MAPK10: variants seen among roughly 807,000 people sequenced by gnomAD.
MAPK10 encodes the protein JNK3 alpha protein kinase.
Under a neutral mutation model 59.3 loss-of-function variants are expected in MAPK10, and 25 were observed. That is an observed-to-expected ratio of 0.42 (90% CI 0.31 to 0.59). The LOEUF (loss-of-function observed/expected upper bound fraction) is 0.59, where lower values mean the gene tolerates loss of function less well. Among genes scored for constraint, MAPK10 ranks in the 20% least tolerant of loss-of-function variants. The probability of loss-of-function intolerance (pLI) is 0.15; values close to 1 mark genes in which losing one functional copy is unlikely to be tolerated. For missense variants in MAPK10, 351 were observed against 568.9 expected (o/e 0.62, Z 3.90); for synonymous variants, 190 against 200.5 (o/e 0.95, Z 0.44).
chr4:86,593,148 A>T (rs1212361595), intron 1 of MAPK10, among the ~76,000 whole-genome samples: 1 of 152,206 alleles, frequency 6.6e-6, no homozygotes, highest in Admixed American at 6.5e-5. Flanking sequence ...CATTACTATT[A>T]ATTCCCTCAT....
At chr4:86,331,445 T>C (rs2096151468) in intron 2 of MAPK10, among the ~76,000 whole-genome samples, 1 of 152,122 alleles carries the variant, frequency 6.6e-6, no homozygotes, top group South Asian at 2.1e-4. Context: ...AGTATGAGCA[T>C]AATTACAGAG....
intron 1 of MAPK10, among the ~76,000 whole-genome samples, chr4:86,446,602 T>C (rs1447895739): frequency 6.6e-6 from 1 of 152,212 alleles, no homozygotes; most frequent in East Asian, 1.9e-4. Context: ...AATTATTTAA[T>C]CACAGGTCTT....
intron 2 of MAPK10, among the ~76,000 whole-genome samples, chr4:86,281,150 T>G (rs1312726886): frequency 6.6e-6 from 1 of 152,180 alleles, no homozygotes; most frequent in Non-Finnish European, 1.5e-5. Flanking sequence ...TTCTGTTATT[T>G]GCAACTAACC....
intron 1 of MAPK10, among the ~76,000 whole-genome samples, chr4:86,405,851 GAAGGA>G (rs899738425): frequency 6.6e-6 from 1 of 152,180 alleles, no homozygotes; most frequent in Non-Finnish European, 1.5e-5. Context: ...TCAATGTCTA[GAAGGA>G]AAGTGTTGGA....
chr4:86,313,618 C>A (rs1185281721), intron 2 of MAPK10, among the ~76,000 whole-genome samples: 4 of 152,094 alleles, frequency 2.6e-5, no homozygotes, highest in Non-Finnish European at 5.9e-5. Context: ...AAAATATTCT[C>A]AACATTGTTT....
intron 2 of MAPK10, among the ~76,000 whole-genome samples, chr4:86,241,649 G>A (rs2092727656): frequency 1.3e-5 from 2 of 152,046 alleles, no homozygotes; most frequent in Non-Finnish European, 1.5e-5. Flanking sequence ...GCATCATGAA[G>A]TTCTCCTGTT....
At chr4:86,033,415 C>T (rs982757007) in intron 11 of MAPK10, among the ~76,000 whole-genome samples, 1 of 152,224 alleles carries the variant, frequency 6.6e-6, no homozygotes, top group Non-Finnish European at 1.5e-5. Context: ...ATAGATCCAG[C>T]TCATGATCCT....
chr4:86,113,086 C>T (rs1279566987), intron 4 of MAPK10, among the ~76,000 whole-genome samples: 1 of 151,996 alleles, frequency 6.6e-6, no homozygotes, highest in African/African-American at 2.4e-5. Flanking sequence ...TCCTCTATCC[C>T]TTTATTTTGA....
At chr4:86,400,032 T>C (rs1285556206) in intron 1 of MAPK10, among the ~76,000 whole-genome samples, 1 of 152,214 alleles carries the variant, frequency 6.6e-6, no homozygotes, top group Non-Finnish European at 1.5e-5. Flanking sequence ...TCTTTTGTGG[T>C]ATATGTTGCT....
At chr4:86,314,514 T>A (rs1039041629) in intron 2 of MAPK10, among the ~76,000 whole-genome samples, 1 of 152,156 alleles carries the variant, frequency 6.6e-6, no homozygotes, top group African/African-American at 2.4e-5. Flanking sequence ...ACCATGATTC[T>A]GAGCCCTCCC....
At chr4:86,311,544 A>C (rs931807553) in intron 2 of MAPK10, among the ~76,000 whole-genome samples, 3 of 152,150 alleles carry the variant, frequency 2.0e-5, no homozygotes, top group Admixed American at 2.0e-4. Context: ...TTGTCAGCAA[A>C]TGATGACAAC....
intron 2 of MAPK10, among the ~76,000 whole-genome samples, chr4:86,223,484 C>T (rs1394954296): frequency 6.6e-6 from 1 of 152,240 alleles, no homozygotes; most frequent in Admixed American, 6.5e-5. Flanking sequence ...GAGGCTCTCA[C>T]AGGGCCTGAG....
chr4:86,348,773 A>C (rs1175542955), intron 2 of MAPK10, among the ~76,000 whole-genome samples: 1 of 152,154 alleles, frequency 6.6e-6, no homozygotes, highest in African/African-American at 2.4e-5. Context: ...AGCCTCTTTC[A>C]TATGAAAGCC....
At chr4:86,301,792 G>A (rs2095477168) in intron 2 of MAPK10, among the ~76,000 whole-genome samples, 1 of 152,084 alleles carries the variant, frequency 6.6e-6, no homozygotes, top group Non-Finnish European at 1.5e-5. Flanking sequence ...GTCTGATATA[G>A]GGTATGATCC....
At chr4:86,084,554 A>G (rs1370865789) in intron 9 of MAPK10, among the ~76,000 whole-genome samples, 4 of 152,188 alleles carry the variant, frequency 2.6e-5, no homozygotes, top group Non-Finnish European at 5.9e-5. Context: ...AACAAGTGAA[A>G]GATCTCTACA....
chr4:86,442,652 A>G (rs917616407), intron 1 of MAPK10, among the ~76,000 whole-genome samples: 4 of 152,172 alleles, frequency 2.6e-5, no homozygotes, highest in African/African-American at 9.7e-5. Context: ...CATAAACAAC[A>G]TATAGTATTG....
At chr4:86,169,829 C>T (rs1158732641) in intron 3 of MAPK10, among the ~76,000 whole-genome samples, 3 of 151,920 alleles carry the variant, frequency 2.0e-5, no homozygotes, top group Non-Finnish European at 4.4e-5. Flanking sequence ...GTCGGGTTAC[C>T]CACAAAGGGA....
chr4:86,469,364 C>T (rs1752479448), intron 1 of MAPK10, among the ~76,000 whole-genome samples: 1 of 152,216 alleles, frequency 6.6e-6, no homozygotes, highest in African/African-American at 2.4e-5. Flanking sequence ...GAATGGGCTA[C>T]CTTGCAAGTC....
intron 1 of MAPK10, among the ~76,000 whole-genome samples, chr4:86,446,168 T>A: frequency 6.6e-6 from 1 of 152,164 alleles, no homozygotes; most frequent in East Asian, 1.9e-4. Flanking sequence ...AAGGTACTTG[T>A]ATTATCTGTG....
Sources: gnomAD v4.1 joint callset for allele counts (sites outside exome capture counted in the v4.1 genomes callset) on GRCh38, gnomAD v4.1.1 for gene constraint, MANE v1.5 for transcripts, NCBI Gene and HGNC (gene_info 2026-07-23, HGNC 2026-07-21) for gene names.